The following ARNT2 variants were observed in gnomAD, a reference collection of about 807,000 sequenced individuals.
The protein encoded by ARNT2 is ARNT protein 2.
In ARNT2, 36 loss-of-function variants were observed where a neutral mutation model predicts 91.7. The ratio of observed to expected loss-of-function variants is 0.39; its 90% CI spans 0.30 to 0.52. ARNT2 has a LOEUF of 0.52. Ranked by LOEUF, ARNT2 falls within the 20% of genes least tolerant of loss-of-function variation. The probability of loss-of-function intolerance (pLI) is 0.72; values close to 1 mark genes in which losing one functional copy is unlikely to be tolerated. For missense variants in ARNT2, 775 were observed against 939.3 expected (o/e 0.83, Z 2.29); for synonymous variants, 365 against 347.1 (o/e 1.05, Z -0.57).
chr15:80,514,506 A>C (rs994914465), intron 8 of ARNT2, 101 bp downstream of exon 8: 4 of 1,004,818 alleles, frequency 4.0e-6, no homozygotes, highest in Non-Finnish European at 6.1e-6. Flanking sequence ...AGGTAGGAAA[A>C]TATTCTTATT....
Position 80,577,981 on chromosome 15 carries a change from G to A in ARNT2, c.1613+1016G>A, listed in dbSNP as rs11856976. Among the ~76,000 whole-genome samples, 1,083 of 152,298 alleles carry A rather than the reference G, an allele frequency of 7.1e-3. 14 individuals carry two copies. The highest frequency in any genetic ancestry group is 0.024 in the African/African-American group (1,002 of 41,576). ...TGAGCAGTCCCTAACCATCATCACC[G>A]CAGGTCACGCTGCTCTGCTGAGCAA... On this transcript the variant is annotated intron_variant, in intron 15 of 18. Transcript: ENST00000303329.
chr15:80,475,354 A>T (rs1262862962), intron 5 of ARNT2, 131 bp downstream of exon 5: 1 of 912,234 alleles, frequency 1.1e-6, no homozygotes, highest in Non-Finnish European at 1.7e-6. Flanking sequence ...GGAGATCAAG[A>T]CCATCCTGGC....
chr15:80,407,152 G>A (rs537881340), intron 1 of ARNT2, among the ~76,000 whole-genome samples: 2 of 152,280 alleles, frequency 1.3e-5, no homozygotes, highest in African/African-American at 4.8e-5. Flanking sequence ...CAAATGGATG[G>A]GGAAGCACCA....
Position 80,441,455 on chromosome 15 carries a change from T to G in ARNT2, c.32-9425T>G, listed in dbSNP as rs1055231866. ...AGATGAATATTGAGAAGAGCGTTTTTCTTTGGTTAGTTGCCTGCCCTCACC... is the reference window on the plus strand; with the variant it reads ...AGATGAATATTGAGAAGAGCGTTTTGCTTTGGTTAGTTGCCTGCCCTCACC... On this transcript the variant is annotated intron_variant, in intron 1 of 18. Transcript: ENST00000303329. 12 of 960,018 alleles carry G rather than the reference T, an allele frequency of 1.2e-5. No homozygotes were observed. In the African/African-American group the frequency reaches 2.1e-4, roughly 17 times the overall value. 59.5% of individuals were successfully genotyped at this position (960,018 alleles called of 1,614,324 possible).
At chr15:80,565,487 C>A (rs1205929482) in intron 12 of ARNT2, among the ~76,000 whole-genome samples, 1 of 151,640 alleles carries the variant, frequency 6.6e-6, no homozygotes, top group Non-Finnish European at 1.5e-5. Flanking sequence ...AGTGTGTGAG[C>A]ATTCTCTTTT....
chr15:80,457,509 A>G (rs1172311194), intron 2 of ARNT2, among the ~76,000 whole-genome samples: 1 of 152,190 alleles, frequency 6.6e-6, no homozygotes, highest in Non-Finnish European at 1.5e-5. Context: ...TTAATATACC[A>G]CAAGATAAAC....
intron 1 of ARNT2, chr15:80,443,058 C>T: frequency 3.1e-6 from 3 of 981,776 alleles, no homozygotes; most frequent in Non-Finnish European, 3.6e-6. Context: ...GGGACCAGAC[C>T]TGGACTGGGT....
chr15:80,528,721 G>C (rs1897686061), intron 8 of ARNT2, among the ~76,000 whole-genome samples: 1 of 152,130 alleles, frequency 6.6e-6, no homozygotes, highest in Non-Finnish European at 1.5e-5. Flanking sequence ...CTCTCACTAT[G>C]TGATCTCTGC....
At chr15:80,483,312 G>T (rs1291797539) in intron 5 of ARNT2, among the ~76,000 whole-genome samples, 1 of 35,460 alleles carries the variant, frequency 2.8e-5, no homozygotes, top group Non-Finnish European at 2.1e-4. Flanking sequence ...TGATTGTGCT[G>T]GGGGCTGCTT....
At chr15:80,469,987 A>G (rs927084200) in intron 3 of ARNT2, among the ~76,000 whole-genome samples, 14 of 152,162 alleles carry the variant, frequency 9.2e-5, no homozygotes, top group Admixed American at 7.9e-4. Context: ...TTTGATATGT[A>G]TTTAGAGATT....
intron 1 of ARNT2, among the ~76,000 whole-genome samples, chr15:80,408,940 C>T (rs1895643361): frequency 6.6e-6 from 1 of 152,030 alleles, no homozygotes; most frequent in South Asian, 2.1e-4. Context: ...GTTTTAGGTT[C>T]ACAGCAAAAT....
chr15:80,552,167 A>G (rs1898092618), intron 9 of ARNT2, among the ~76,000 whole-genome samples: 1 of 152,198 alleles, frequency 6.6e-6, no homozygotes, highest in Admixed American at 6.5e-5. Flanking sequence ...TCATCCATGT[A>G]TGGGTATTGC....
chr15:80,445,550 C>T (rs1293662946), intron 1 of ARNT2, among the ~76,000 whole-genome samples: 3 of 151,174 alleles, frequency 2.0e-5, no homozygotes, highest in East Asian at 1.9e-4. Context: ...TGGTGTGTGA[C>T]GTGTGTGTTG....
intron 5 of ARNT2, among the ~76,000 whole-genome samples, chr15:80,482,440 C>G (rs966521364): frequency 6.6e-6 from 1 of 152,052 alleles, no homozygotes; most frequent in East Asian, 1.9e-4. Context: ...GATTATCGGC[C>G]CCATTTCACA....
At chr15:80,425,329 T>A (rs2141564600) in intron 1 of ARNT2, among the ~76,000 whole-genome samples, 1 of 152,322 alleles carries the variant, frequency 6.6e-6, no homozygotes, top group Non-Finnish European at 1.5e-5. Context: ...GTTTTTGTTT[T>A]TTTGAGTGAA....
At chr15:80,457,811 G>A in intron 2 of ARNT2, 118 bp from the exon 3 acceptor site, 1 of 1,090,920 alleles carries the variant, frequency 9.2e-7, no homozygotes, top group South Asian at 1.5e-5. Flanking sequence ...ACTGCCAAAG[G>A]TTGGGATCAA....
chr15:80,421,343 A>G (rs1343139574), intron 1 of ARNT2, among the ~76,000 whole-genome samples: 3 of 148,704 alleles, frequency 2.0e-5, no homozygotes, highest in Admixed American at 6.7e-5. Context: ...GGCCTTCACT[A>G]TACAATTCAT....
chr15:80,453,027 C>T (rs571628042), intron 2 of ARNT2, among the ~76,000 whole-genome samples: 16 of 152,320 alleles, frequency 1.1e-4, no homozygotes, highest in African/African-American at 3.4e-4. Context: ...ACACCTTGGC[C>T]TCCCAAAGTG....
intron 4 of ARNT2, among the ~76,000 whole-genome samples, chr15:80,473,229 G>T (rs767565403): frequency 6.6e-6 from 1 of 152,126 alleles, no homozygotes; most frequent in African/African-American, 2.4e-5. Flanking sequence ...GCTCTTAACC[G>T]TGACTGTTTT....
Sources: gnomAD v4.1 joint callset for allele counts (sites outside exome capture counted in the v4.1 genomes callset) on GRCh38, gnomAD v4.1.1 for gene constraint, MANE v1.5 for transcripts, NCBI Gene and HGNC (gene_info 2026-07-23, HGNC 2026-07-21) for gene names.